The following SPON1 variants were observed in gnomAD, a reference collection of about 807,000 sequenced individuals.
SPON1 encodes spondin 1, also known as spondin-1.
SPON1 carries 52 observed loss-of-function variants against 111.7 expected under a neutral mutation model. The ratio of observed to expected loss-of-function variants is 0.47; its 90% confidence interval spans 0.37 to 0.59. The LOEUF is 0.59. Ranked by LOEUF, SPON1 falls within the 20% of genes least tolerant of loss-of-function variation. The pLI is 0.00. For missense variants in SPON1, 957 were observed against 1,068.5 expected, an observed-to-expected ratio of 0.90 and a Z score of 1.46; for synonymous variants, 410 against 395.8, an observed-to-expected ratio of 1.04 and a Z score of -0.43.
intron 6 of SPON1, among the ~76,000 whole-genome samples, chr11:14,161,570 C>T (rs185520942): frequency 2.0e-5 from 3 of 151,758 alleles, no homozygotes; most frequent in Non-Finnish European, 4.4e-5. Context: ...CCACCCACCT[C>T]GGCCTCCCAG....
intron 5 of SPON1, among the ~76,000 whole-genome samples, chr11:14,082,758 A>G (rs1380531134): frequency 6.6e-6 from 1 of 152,212 alleles, no homozygotes; most frequent in Non-Finnish European, 1.5e-5. Context: ...ATCAGTCTTA[A>G]GTAATAGATG....
At position 14,265,755 on chromosome 11, in the gene SPON1, GTTT is replaced by G; in HGVS notation, c.*69_*71del. 2 of 1,531,286 alleles carry G rather than the reference GTTT, an allele frequency of 1.3e-6. No individual in the cohort carries two copies. Among genetic ancestry groups the G allele is most frequent in the Admixed American group, 3.9e-5 (2 of 50,972 alleles). The allele number at this position is 1,531,286 out of a possible 1,614,324, so 94.9% of individuals were successfully genotyped here. Reference sequence around the variant, plus strand: ...TCACCAATGGCTGGATTATTTGCTTGTTTAAGACAATTTAAATTGTGTACGCTA... The same window carrying G: ...TCACCAATGGCTGGATTATTTGCTTGAAGACAATTTAAATTGTGTACGCTA... On this transcript the variant is annotated 3_prime_UTR_variant, in exon 16 of 16. Transcript: ENST00000576479.
At chr11:14,092,070 AC>A (rs1464591069) in intron 5 of SPON1, among the ~76,000 whole-genome samples, 15 of 152,118 alleles carry the variant, frequency 9.9e-5, no homozygotes, top group Non-Finnish European at 2.2e-4. Context: ...TGCAGAAATC[AC>A]CCGCCTTCTG....
intron 6 of SPON1, among the ~76,000 whole-genome samples, chr11:14,180,243 A>G (rs782729787): frequency 2.0e-4 from 31 of 152,356 alleles, no homozygotes; most frequent in Non-Finnish European, 3.7e-4. Flanking sequence ...ATCTCTCAAC[A>G]GTTTCTCAAA....
intron 2 of SPON1, among the ~76,000 whole-genome samples, chr11:13,994,128 G>A (rs1248076211): frequency 6.6e-6 from 1 of 152,088 alleles, no homozygotes; most frequent in Admixed American, 6.5e-5. Flanking sequence ...GAACCTAAAA[G>A]GGCTTTTGAC....
chr11:14,023,115 G>T (rs1848492938), intron 2 of SPON1, among the ~76,000 whole-genome samples: 1 of 152,188 alleles, frequency 6.6e-6, no homozygotes, highest in Admixed American at 6.5e-5. Flanking sequence ...ATGGTGGCAG[G>T]AGATGATGCC....
chr11:14,026,628 G>A (rs1398378565), intron 2 of SPON1, among the ~76,000 whole-genome samples: 1 of 152,156 alleles, frequency 6.6e-6, no homozygotes, highest in Admixed American at 6.5e-5. Flanking sequence ...GCCGATGTCT[G>A]CTGACTTACG....
chr11:14,261,754 G>A (rs782582793), intron 14 of SPON1, among the ~76,000 whole-genome samples: 58 of 152,120 alleles, frequency 3.8e-4, no homozygotes, highest in Non-Finnish European at 3.1e-4. Flanking sequence ...GACTTAGAGT[G>A]CCTGGGGTCC....
At chr11:14,078,568 G>T (rs532553111) in intron 4 of SPON1, among the ~76,000 whole-genome samples, 1 of 152,126 alleles carries the variant, frequency 6.6e-6, no homozygotes, top group African/African-American at 2.4e-5. Context: ...GTCTTTCCTG[G>T]AGTAATGTAG....
intron 5 of SPON1, among the ~76,000 whole-genome samples, chr11:14,100,132 GTACT>G (rs72330427): frequency 0.075 from 10,653 of 142,900 alleles, 479 homozygotes; most frequent in South Asian, 0.21. Context: ...CTGCTTTTTT[GTACT>G]TACTGAGTTT....
chr11:14,136,692 T>G (rs1847596448), intron 6 of SPON1, among the ~76,000 whole-genome samples: 1 of 152,196 alleles, frequency 6.6e-6, no homozygotes, highest in Non-Finnish European at 1.5e-5. Context: ...TGCCCCAGAA[T>G]GAGCTTATGT....
intron 2 of SPON1, among the ~76,000 whole-genome samples, chr11:14,004,369 T>G (rs1465712617): frequency 5.9e-5 from 9 of 152,218 alleles, no homozygotes; most frequent in Admixed American, 5.9e-4. Flanking sequence ...GTCGGATTGC[T>G]GTATCATATG....
Position 14,259,495 on chromosome 11 carries a change from A to G in SPON1, c.1664-39A>G. On this transcript the variant is annotated intron_variant, in intron 12 of 15. Transcript: ENST00000576479. This position sits in a 1 kb window ranked among gnomAD's most constrained non-coding sequence, Gnocchi z 5.0. Reference sequence around the variant, plus strand: ...GGGCAGGCGGGCAAGTAGGTCGGGGAGGCAGCAGGTGCGACTCCAATGCCG... The same window carrying G: ...GGGCAGGCGGGCAAGTAGGTCGGGGGGGCAGCAGGTGCGACTCCAATGCCG... 1 of 1,575,760 alleles carries G rather than the reference A, an allele frequency of 6.3e-7. No individual in the cohort carries two copies. Among genetic ancestry groups the G allele is most frequent in the Non-Finnish European group, 8.6e-7 (1 of 1,160,908 alleles).
chr11:14,167,367 C>G (rs1188292297), intron 6 of SPON1, among the ~76,000 whole-genome samples: 1 of 151,902 alleles, frequency 6.6e-6, no homozygotes, highest in African/African-American at 2.4e-5. Context: ...ATTCATTTGG[C>G]CAAAATGATA....
At chr11:14,097,106 T>C (rs1186012864) in intron 5 of SPON1, among the ~76,000 whole-genome samples, 1 of 152,146 alleles carries the variant, frequency 6.6e-6, no homozygotes, top group Non-Finnish European at 1.5e-5. Flanking sequence ...TTTCTCTGGG[T>C]CTGTGGCTAA....
chr11:13,974,586 T>C (rs1848088023), intron 1 of SPON1, among the ~76,000 whole-genome samples: 1 of 152,208 alleles, frequency 6.6e-6, no homozygotes, highest in African/African-American at 2.4e-5. Context: ...GAAAGAACTC[T>C]GCCCTGGGTC....
intron 6 of SPON1, among the ~76,000 whole-genome samples, chr11:14,174,641 A>G (rs1468660249): frequency 1.3e-5 from 2 of 151,896 alleles, no homozygotes; most frequent in Non-Finnish European, 2.9e-5. Context: ...TCCTGTGTGC[A>G]TTAAGTGTGG....
chr11:14,251,416 A>G (rs1179846086), intron 7 of SPON1, among the ~76,000 whole-genome samples: 1 of 152,212 alleles, frequency 6.6e-6, no homozygotes, highest in Non-Finnish European at 1.5e-5. Context: ...GCATTTACTG[A>G]GAATGATTTC....
At chr11:14,113,391 T>G (rs902987195) in intron 5 of SPON1, among the ~76,000 whole-genome samples, 6 of 152,110 alleles carry the variant, frequency 3.9e-5, no homozygotes, top group Non-Finnish European at 8.8e-5. Flanking sequence ...TGTTCTCAGC[T>G]GCCAGCATGT....
Sources: gnomAD v4.1 joint callset for allele counts (sites outside exome capture counted in the v4.1 genomes callset) on GRCh38, gnomAD v4.1.1 for gene constraint, Gnocchi (gnomAD v3.1) non-coding constraint, MANE v1.5 for transcripts, NCBI Gene and HGNC (gene_info 2026-07-23, HGNC 2026-07-21) for gene names.